Variants in FAM133A observed in about 807,000 individuals in gnomAD.
The protein encoded by FAM133A is protein FAM133A.
For missense variants in FAM133A, 159 were observed against 164.4 expected, an observed-to-expected ratio of 0.97 and a Z score of 0.18; for synonymous variants, 65 against 58.6, an observed-to-expected ratio of 1.11 and a Z score of -0.50.
chrX:93,680,440 T>C (rs1925057618), intron 2 of FAM133A, among the ~76,000 whole-genome samples: 1 of 111,826 alleles, frequency 8.9e-6, no homozygotes, highest in South Asian at 3.7e-4. Flanking sequence ...ATTCATTTCA[T>C]ATCCTTTGGA....
intron 2 of FAM133A, among the ~76,000 whole-genome samples, chrX:93,690,711 T>C (rs1925831731): frequency 8.9e-6 from 1 of 111,904 alleles, no homozygotes; most frequent in African/African-American, 3.2e-5. Context: ...TGTAGACAAA[T>C]GTTTTTGTTT....
At chrX:93,703,812 T>C (rs1926874161) in intron 3 of FAM133A, among the ~76,000 whole-genome samples, 1 of 112,451 alleles carries the variant, frequency 8.9e-6, no homozygotes, top group Non-Finnish European at 1.9e-5. Flanking sequence ...CTTTCAGATA[T>C]CATCCTTAAG....
intron 2 of FAM133A, among the ~76,000 whole-genome samples, chrX:93,682,420 A>T (rs1011540586): frequency 8.9e-6 from 1 of 112,152 alleles, no homozygotes. Context: ...TAACAGAACC[A>T]CATAGGTCAT....
intron 3 of FAM133A, among the ~76,000 whole-genome samples, chrX:93,705,263 C>T (rs759442900): frequency 9.0e-6 from 1 of 111,491 alleles, no homozygotes; most frequent in Non-Finnish European, 1.9e-5. Flanking sequence ...CAATTTATAT[C>T]TAACCTTTAC....
At chrX:93,686,882 T>C (rs1384890827) in intron 2 of FAM133A, among the ~76,000 whole-genome samples, 2 of 112,251 alleles carry the variant, frequency 1.8e-5, no homozygotes, top group African/African-American at 3.2e-5. Flanking sequence ...AAGTCTAGAC[T>C]CATTTATCAG....
chrX:93,708,491 T>G (rs944574549), intron 3 of FAM133A, among the ~76,000 whole-genome samples: 2 of 112,056 alleles, frequency 1.8e-5, no homozygotes, highest in African/African-American at 6.5e-5. Context: ...TTGCCTTATT[T>G]GTGCAGCTTG....
At chrX:93,690,238 T>G (rs1206886880) in intron 2 of FAM133A, among the ~76,000 whole-genome samples, 2 of 111,472 alleles carry the variant, frequency 1.8e-5, no homozygotes, top group Non-Finnish European at 3.8e-5. Flanking sequence ...TGAAATATAA[T>G]TACATACCAT....
intron 2 of FAM133A, among the ~76,000 whole-genome samples, chrX:93,695,735 G>A (rs752728208): frequency 2.7e-4 from 25 of 92,909 alleles, no homozygotes; most frequent in Middle Eastern, 8.0e-3. Context: ...TCCGCCTCCC[G>A]GGTTCATGCC....
intron 2 of FAM133A, among the ~76,000 whole-genome samples, chrX:93,689,050 ATTTT>A (rs35627093): frequency 1.0e-5 from 1 of 96,976 alleles, no homozygotes; most frequent in Admixed American, 1.2e-4. Flanking sequence ...GGTAACAGCA[ATTTT>A]TTTTTTTTTT....
chrX:93,694,163 G>T (rs755988224), intron 2 of FAM133A, among the ~76,000 whole-genome samples: 1 of 110,533 alleles, frequency 9.0e-6, no homozygotes, highest in Non-Finnish European at 1.9e-5. Context: ...ATATTACTGA[G>T]CATCTTTTGA....
chrX:93,711,777 T>C lies in FAM133A; in HGVS notation c.*1611T>C, dbSNP rs1327305795. ...AACATTATAGTGATGCCATGTTAGA[T>C]TACCTTGGAGCTTCATAACTTTAGC... On this transcript the variant is annotated 3_prime_UTR_variant, in exon 4 of 4. Coordinates refer to ENST00000683942, the MANE Select transcript of FAM133A (RefSeq NM_001171109.2). The C allele has an allele frequency of 2.4e-5, 3 of 123,369 alleles. No individual in the cohort carries two copies. The highest frequency in any genetic ancestry group is 6.5e-5 in the African/African-American group (2 of 30,858). 10.2% of individuals were successfully genotyped at this position (123,369 alleles called of 1,213,427 possible). A position where few individuals can be genotyped will look rare whatever the true frequency, so the allele number is the denominator to read the frequency against.
intron 2 of FAM133A, among the ~76,000 whole-genome samples, chrX:93,696,589 TA>T (rs1227322019): frequency 5.4e-5 from 6 of 110,827 alleles, no homozygotes; most frequent in African/African-American, 1.6e-4. Context: ...ATTCGGGACA[TA>T]GGGGGAGGGG....
intron 3 of FAM133A, among the ~76,000 whole-genome samples, chrX:93,706,053 T>C (rs746673995): frequency 8.9e-6 from 1 of 112,276 alleles, no homozygotes; most frequent in African/African-American, 3.2e-5. Flanking sequence ...TTAGCTGAGA[T>C]TGCATTAGCA....
chrX:93,699,591 A>G (rs1209446386), intron 3 of FAM133A, among the ~76,000 whole-genome samples: 1 of 110,985 alleles, frequency 9.0e-6, no homozygotes, highest in Non-Finnish European at 1.9e-5. Flanking sequence ...ATATTTTCCA[A>G]CTTTTTCTTA....
rs1927391086 is a variant in FAM133A, at chrX:93,710,709, C to T, written c.*543C>T. The T allele has an allele frequency of 1.6e-5, 2 of 122,643 alleles. No homozygotes were observed. The highest frequency in any genetic ancestry group is 3.3e-5 in the African/African-American group (1 of 30,553). The allele number at this position is 122,643 out of a possible 1,213,427, so 10.1% of individuals were successfully genotyped here. On this transcript the variant is annotated 3_prime_UTR_variant, in exon 4 of 4. Transcript: ENST00000683942. ...CTAGCTGAATAGTGTGCCTTTGACT[C>T]TTACACATCCTATTTTTGCCAGAGC...
chrX:93,710,228 G>A lies in FAM133A; in HGVS notation c.*62G>A. On this transcript the variant is annotated 3_prime_UTR_variant, in exon 4 of 4. Coordinates refer to ENST00000683942, the MANE Select transcript of FAM133A (RefSeq NM_001171109.2). ...CCCCTGTGTTAGTAGAATTATTTCTGGACTTTGAGTTGCCTATCAAATCCC... is the reference window on the plus strand; with the variant it reads ...CCCCTGTGTTAGTAGAATTATTTCTAGACTTTGAGTTGCCTATCAAATCCC... 3.6e-6 allele frequency: 4 copies of A among 1,103,342 alleles called. No individual in the cohort carries two copies. The highest frequency in any genetic ancestry group is 3.6e-6 in the Non-Finnish European group (3 of 844,260). 90.9% of individuals were successfully genotyped at this position (1,103,342 alleles called of 1,213,427 possible).
intron 2 of FAM133A, among the ~76,000 whole-genome samples, chrX:93,689,195 C>G (rs1925735868): frequency 9.1e-6 from 1 of 109,733 alleles, no homozygotes; most frequent in Non-Finnish European, 1.9e-5. Flanking sequence ...GCATCTGCCA[C>G]CATGCCCGGC....
chrX:93,676,124 C>A (rs1924669593), intron 2 of FAM133A, among the ~76,000 whole-genome samples: 1 of 110,738 alleles, frequency 9.0e-6, no homozygotes, highest in Middle Eastern at 4.3e-3. Flanking sequence ...CTATTTTGAT[C>A]ACATTAAATA....
Position 93,710,252 on chromosome X carries a change from C to G in FAM133A, c.*86C>G. The G allele has an allele frequency of 9.6e-7, 1 of 1,040,167 alleles. No homozygotes were observed. The highest frequency in any genetic ancestry group is 3.2e-5 in the East Asian group (1 of 30,883). The allele number at this position is 1,040,167 out of a possible 1,213,427, so 85.7% of individuals were successfully genotyped here. On this transcript the variant is annotated 3_prime_UTR_variant, in exon 4 of 4. Transcript: ENST00000683942. ...TGGACTTTGAGTTGCCTATCAAATC[C>G]CACTGTGCCAGTAAGGGGCATAGTG...
Sources: allele counts gnomAD v4.1 joint callset (sites outside exome capture counted in the v4.1 genomes callset), GRCh38; gene constraint gnomAD v4.1.1; transcripts MANE v1.5; gene names NCBI Gene and HGNC (gene_info 2026-07-23, HGNC 2026-07-21).